The following STX8 variants were observed in gnomAD, a reference collection of about 807,000 sequenced individuals.
STX8 encodes the protein syntaxin 8, also known as syntaxin-8.
STX8 carries 23 observed loss-of-function variants against 37.5 expected under a neutral mutation model. That is an observed-to-expected ratio of 0.61 (90% confidence interval 0.44 to 0.87). The LOEUF is 0.87. Ranked by LOEUF, STX8 falls within the 40% of genes least tolerant of loss-of-function variation. The pLI is 0.00. For missense variants in STX8, 313 were observed against 284.7 expected (o/e 1.10, Z -0.71); for synonymous variants, 115 against 99.1 (o/e 1.16, Z -0.95).
intron 7 of STX8, among the ~76,000 whole-genome samples, chr17:9,311,251 AAAGAG>A (rs1909178624): frequency 6.6e-6 from 1 of 151,980 alleles, no homozygotes; most frequent in African/African-American, 2.4e-5. Context: ...AAAAAAAAAA[AAAGAG>A]GAGAAGTCAG....
chr17:9,364,391 T>A (rs2142263651), intron 7 of STX8, among the ~76,000 whole-genome samples: 1 of 152,260 alleles, frequency 6.6e-6, no homozygotes, highest in East Asian at 1.9e-4. Flanking sequence ...CAGGTATGTC[T>A]GGGGAGGGGA....
intron 6 of STX8, among the ~76,000 whole-genome samples, chr17:9,384,677 T>G (rs1224779016): frequency 6.6e-6 from 1 of 151,688 alleles, no homozygotes; most frequent in Non-Finnish European, 1.5e-5. Flanking sequence ...ACAAAACAAG[T>G]TGGAGGTATT....
intron 7 of STX8, among the ~76,000 whole-genome samples, chr17:9,363,985 A>C (rs1911145928): frequency 6.6e-6 from 1 of 152,206 alleles, no homozygotes; most frequent in African/African-American, 2.4e-5. Context: ...GTTTGAACTT[A>C]CTGCTCCTAT....
At chr17:9,530,037 G>C (rs1227126821) in intron 4 of STX8, among the ~76,000 whole-genome samples, 1 of 152,192 alleles carries the variant, frequency 6.6e-6, no homozygotes, top group African/African-American at 2.4e-5. Flanking sequence ...GCCGGGCGCA[G>C]TGGCTCACGC....
At chr17:9,303,972 CA>C (rs376067622) in intron 7 of STX8, among the ~76,000 whole-genome samples, 93 of 143,548 alleles carry the variant, frequency 6.5e-4, no homozygotes, top group East Asian at 3.9e-3. Flanking sequence ...CTTTTCATGA[CA>C]AAAAAAAAAT....
At chr17:9,440,280 T>C (rs1904595098) in intron 6 of STX8, among the ~76,000 whole-genome samples, 1 of 152,182 alleles carries the variant, frequency 6.6e-6, no homozygotes, top group Admixed American at 6.5e-5. Context: ...TACCTAGTTA[T>C]ATGTGCTCAA....
At chr17:9,313,268 A>T (rs1308739441) in intron 7 of STX8, among the ~76,000 whole-genome samples, 5 of 152,204 alleles carry the variant, frequency 3.3e-5, no homozygotes, top group African/African-American at 1.2e-4. Context: ...GGTGGGTGAT[A>T]AGAAAGTCAA....
chr17:9,333,631 C>T (rs916606560), intron 7 of STX8, among the ~76,000 whole-genome samples: 3 of 152,294 alleles, frequency 2.0e-5, no homozygotes, highest in South Asian at 2.1e-4. Flanking sequence ...CCTTGTGATC[C>T]GCCCGCCTTG....
chr17:9,543,432 T>A (rs962137627), intron 4 of STX8, among the ~76,000 whole-genome samples: 3 of 152,140 alleles, frequency 2.0e-5, no homozygotes, highest in Non-Finnish European at 2.9e-5. Context: ...TAGCTGGGAC[T>A]ACAGGTGCCC....
At chr17:9,535,242 TTA>T (rs1158696713) in intron 4 of STX8, among the ~76,000 whole-genome samples, 2 of 151,864 alleles carry the variant, frequency 1.3e-5, no homozygotes, top group East Asian at 3.9e-4. Flanking sequence ...AAAACTCTCT[TTA>T]TATGTTAGTC....
chr17:9,394,856 A>T (rs1912341848), intron 6 of STX8, among the ~76,000 whole-genome samples: 1 of 150,620 alleles, frequency 6.6e-6, no homozygotes. Context: ...TCACGAGGTC[A>T]GGAGTTTGAG....
At chr17:9,491,988 C>G in intron 5 of STX8, 67 bp from the exon 6 acceptor site, 1 of 1,113,462 alleles carries the variant, frequency 9.0e-7, no homozygotes, top group Non-Finnish European at 1.3e-6. Flanking sequence ...CATAAGTATA[C>G]CCAGGCATAT....
intron 7 of STX8, among the ~76,000 whole-genome samples, chr17:9,257,060 TG>T (rs916352034): frequency 7.2e-5 from 11 of 152,180 alleles, no homozygotes; most frequent in Admixed American, 2.0e-4. Flanking sequence ...GCTCCTGCCC[TG>T]GGCCCGCTGG....
intron 6 of STX8, among the ~76,000 whole-genome samples, chr17:9,420,417 T>C (rs1913381001): frequency 6.6e-6 from 1 of 152,104 alleles, no homozygotes; most frequent in Non-Finnish European, 1.5e-5. Context: ...TACCTATAGG[T>C]GCCTATCAGT....
At chr17:9,514,348 T>C (rs1017255263) in intron 4 of STX8, among the ~76,000 whole-genome samples, 8 of 152,154 alleles carry the variant, frequency 5.3e-5, no homozygotes, top group Non-Finnish European at 8.8e-5. Context: ...CTCACACCTG[T>C]AATCCCAGCA....
chr17:9,398,762 C>T (rs1396984751), intron 6 of STX8, among the ~76,000 whole-genome samples: 2 of 152,054 alleles, frequency 1.3e-5, no homozygotes, highest in Admixed American at 1.3e-4. Context: ...AAACTACAGT[C>T]ATCTGGCTGG....
intron 7 of STX8, among the ~76,000 whole-genome samples, chr17:9,254,358 C>T (rs1446721001): frequency 6.6e-6 from 1 of 152,140 alleles, no homozygotes; most frequent in African/African-American, 2.4e-5. Flanking sequence ...CCTCCAGTTA[C>T]CTGTGCCCTC....
At chr17:9,305,281 T>TG (rs1315936620) in intron 7 of STX8, among the ~76,000 whole-genome samples, 1 of 151,898 alleles carries the variant, frequency 6.6e-6, no homozygotes, top group Non-Finnish European at 1.5e-5. Context: ...TTAGTAGAGA[T>TG]GGGGTTGCAC....
intron 6 of STX8, among the ~76,000 whole-genome samples, chr17:9,426,396 C>T (rs1041867676): frequency 5.3e-5 from 8 of 152,034 alleles, no homozygotes; most frequent in South Asian, 2.1e-4. Context: ...GCGTGGTGGT[C>T]GGCACCTGTG....
Sources: gnomAD v4.1 joint callset for allele counts (sites outside exome capture counted in the v4.1 genomes callset) on GRCh38, gnomAD v4.1.1 for gene constraint, MANE v1.5 for transcripts, NCBI Gene and HGNC (gene_info 2026-07-23, HGNC 2026-07-21) for gene names.